Variants in CCSER1 observed in about 807,000 individuals in gnomAD.
CCSER1 encodes the protein coiled-coil serine rich protein 1.
In CCSER1, 41 loss-of-function variants were observed where a neutral mutation model predicts 82.0. That is an observed-to-expected ratio of 0.50 (90% CI 0.39 to 0.65). The LOEUF (loss-of-function observed/expected upper bound fraction) is 0.65. CCSER1 is among the 30% of genes least tolerant of loss of function. CCSER1 has a pLI of 0.00. For missense variants in CCSER1, 1,119 were observed against 1,064.2 expected, an observed-to-expected ratio of 1.05 and a Z score of -0.72; for synonymous variants, 414 against 383.9, an observed-to-expected ratio of 1.08 and a Z score of -0.92.
intron 1 of CCSER1, among the ~76,000 whole-genome samples, chr4:90,221,344 ATTATAT>A (rs1742113887): frequency 6.6e-6 from 1 of 152,122 alleles, no homozygotes; most frequent in Non-Finnish European, 1.5e-5. Flanking sequence ...CAGAGCTAAT[ATTATAT>A]TTAGGTAGAC....
chr4:91,064,812 C>T (rs966194112), intron 9 of CCSER1, among the ~76,000 whole-genome samples: 1 of 152,130 alleles, frequency 6.6e-6, no homozygotes, highest in African/African-American at 2.4e-5. Context: ...GGTAACTGCT[C>T]TATTTTCCAG....
At chr4:90,993,443 T>C (rs191440094) in intron 9 of CCSER1, among the ~76,000 whole-genome samples, 356 of 151,694 alleles carry the variant, frequency 2.3e-3, no homozygotes, top group African/African-American at 7.4e-3. Context: ...CTGCTTGATA[T>C]TATTATGCTT....
intron 5 of CCSER1, among the ~76,000 whole-genome samples, chr4:90,585,901 G>A (rs992403926): frequency 1.2e-4 from 18 of 151,976 alleles, no homozygotes; most frequent in African/African-American, 3.9e-4. Flanking sequence ...TGACATTATC[G>A]CATTTGTATC....
At chr4:91,462,157 A>T (rs538986820) in intron 10 of CCSER1, among the ~76,000 whole-genome samples, 1 of 152,276 alleles carries the variant, frequency 6.6e-6, no homozygotes, top group African/African-American at 2.4e-5. Context: ...TGAATTCTGA[A>T]GTAACAAAAA....
intron 7 of CCSER1, among the ~76,000 whole-genome samples, chr4:90,766,585 AG>A (rs1424839444): frequency 6.6e-6 from 1 of 152,154 alleles, no homozygotes; most frequent in Non-Finnish European, 1.5e-5. Context: ...TCCAGGCTGC[AG>A]TGAGCTATGA....
At chr4:90,794,515 G>C (rs1305548157) in intron 7 of CCSER1, among the ~76,000 whole-genome samples, 1 of 152,064 alleles carries the variant, frequency 6.6e-6, no homozygotes, top group Admixed American at 6.6e-5. Flanking sequence ...TTGTTCCATT[G>C]GTCTAAGTGT....
intron 7 of CCSER1, among the ~76,000 whole-genome samples, chr4:90,727,739 T>A (rs756233731): frequency 6.6e-6 from 1 of 152,224 alleles, no homozygotes; most frequent in African/African-American, 2.4e-5. Flanking sequence ...TGACCCTCCA[T>A]AAAAGTACAA....
chr4:90,229,651 C>G (rs1410975407), intron 1 of CCSER1, among the ~76,000 whole-genome samples: 2 of 152,048 alleles, frequency 1.3e-5, no homozygotes, highest in East Asian at 3.9e-4. Context: ...GGACTAAATG[C>G]TCCAATTAAA....
intron 10 of CCSER1, among the ~76,000 whole-genome samples, chr4:91,162,114 T>C (rs1013172042): frequency 5.8e-4 from 89 of 152,198 alleles, no homozygotes; most frequent in Non-Finnish European, 4.4e-5. Context: ...CATCAATACC[T>C]AGTTTATTGA....
chr4:90,574,310 G>A (rs1261374442), intron 5 of CCSER1, among the ~76,000 whole-genome samples: 3 of 127,442 alleles, frequency 2.4e-5, no homozygotes, highest in African/African-American at 9.4e-5. Flanking sequence ...CGCACAGGCT[G>A]GACTGCGGAC....
intron 10 of CCSER1, among the ~76,000 whole-genome samples, chr4:91,377,171 C>G (rs1029198794): frequency 6.6e-6 from 1 of 152,100 alleles, no homozygotes; most frequent in Non-Finnish European, 1.5e-5. Flanking sequence ...TGGGTTGGTT[C>G]CAAGTCTTTG....
At chr4:91,383,041 C>G (rs757280016) in intron 10 of CCSER1, among the ~76,000 whole-genome samples, 6 of 151,526 alleles carry the variant, frequency 4.0e-5, no homozygotes, top group Non-Finnish European at 7.4e-5. Flanking sequence ...ATTAAGATAT[C>G]TACATTTTTA....
At chr4:90,436,818 T>C (rs1399646049) in intron 4 of CCSER1, among the ~76,000 whole-genome samples, 2 of 152,042 alleles carry the variant, frequency 1.3e-5, no homozygotes. Flanking sequence ...TCCTTTTTTT[T>C]TTTTTTGAGA....
At chr4:91,229,565 G>A (rs1402779199) in intron 10 of CCSER1, among the ~76,000 whole-genome samples, 1 of 152,062 alleles carries the variant, frequency 6.6e-6, no homozygotes, top group African/African-American at 2.4e-5. Context: ...ATTCACAATA[G>A]CAAAGACTCA....
intron 10 of CCSER1, among the ~76,000 whole-genome samples, chr4:91,087,903 C>T (rs1312273591): frequency 6.6e-6 from 1 of 152,062 alleles, no homozygotes; most frequent in East Asian, 1.9e-4. Context: ...TAAGAAACTT[C>T]AGGGAGGTAT....
chr4:90,355,234 AT>A (rs750147793), intron 3 of CCSER1, among the ~76,000 whole-genome samples: 1 of 152,012 alleles, frequency 6.6e-6, no homozygotes, highest in Non-Finnish European at 1.5e-5. Flanking sequence ...CATTCTTCCT[AT>A]TTATCAAATA....
chr4:90,902,657 TAGGGTGAGGAGGAAGGACTC>T (rs1343326679), intron 8 of CCSER1, among the ~76,000 whole-genome samples: 1 of 152,006 alleles, frequency 6.6e-6, no homozygotes, highest in Non-Finnish European at 1.5e-5. Flanking sequence ...CTGCAAGGCT[TAGGGTGAGGAGGAAGGACTC>T]AGGAAGCTTA....
intron 10 of CCSER1, among the ~76,000 whole-genome samples, chr4:91,113,837 A>T (rs1007773394): frequency 6.7e-6 from 1 of 149,870 alleles, no homozygotes; most frequent in South Asian, 2.1e-4. Context: ...GCAATTTAGC[A>T]TTTGATATCT....
rs1279822651 is a variant in CCSER1 at position 91,507,889 on chromosome 4, G to A, written c.2218-90683G>A. ...CATTTTTAGCTTATTCATTGCTACT[G>A]TATAGAGATAAAATTAATTTTGTAT... On this transcript the variant is annotated intron_variant, in intron 10 of 10. Coordinates refer to ENST00000509176, the MANE Select transcript of CCSER1 (RefSeq NM_001145065.2). 2.6e-5 allele frequency among the ~76,000 whole-genome samples: 4 copies of A among 151,242 alleles called. No individual in the cohort carries two copies. The East Asian group carries it at 5.8e-4, about 22-fold the overall frequency.
Sources: allele counts gnomAD v4.1 joint callset (sites outside exome capture counted in the v4.1 genomes callset), GRCh38; gene constraint gnomAD v4.1.1; transcripts MANE v1.5; gene names NCBI Gene and HGNC (gene_info 2026-07-23, HGNC 2026-07-21).